Variants in RBFOX1 observed in about 807,000 individuals in gnomAD.
RBFOX1 encodes the protein RNA binding fox-1 homolog 1.
Under a neutral mutation model 57.7 loss-of-function variants are expected in RBFOX1, and 8 were observed. The ratio of observed to expected loss-of-function variants is 0.14; its 90% CI spans 0.08 to 0.25. RBFOX1 has a LOEUF of 0.25. Ranked by LOEUF, RBFOX1 falls within the 10% of genes least tolerant of loss-of-function variation. RBFOX1 has a pLI of 1.00. For missense variants in RBFOX1, 611 were observed against 548.5 expected (o/e 1.11, Z -1.14); for synonymous variants, 326 against 222.4 (o/e 1.47, Z -4.15).
At chr16:6,539,332 A>G (rs1273544705) in intron 2 of RBFOX1, among the ~76,000 whole-genome samples, 1 of 152,176 alleles carries the variant, frequency 6.6e-6, no homozygotes, top group Non-Finnish European at 1.5e-5. Flanking sequence ...ACTTACAGAA[A>G]TGGCTAATGA....
chr16:6,677,162 A>G (rs1017332900), intron 3 of RBFOX1, among the ~76,000 whole-genome samples: 1 of 152,226 alleles, frequency 6.6e-6, no homozygotes, highest in African/African-American at 2.4e-5. Context: ...GAATTCCAAA[A>G]TATTCAATGA....
At chr16:6,945,379 G>A (rs1415198380) in intron 3 of RBFOX1, among the ~76,000 whole-genome samples, 1 of 152,044 alleles carries the variant, frequency 6.6e-6, no homozygotes, top group Non-Finnish European at 1.5e-5. Context: ...TTGCTGGTCT[G>A]AACAACCTGT....
chr16:7,521,176 C>G (rs548794956), intron 5 of RBFOX1, among the ~76,000 whole-genome samples: 2 of 152,156 alleles, frequency 1.3e-5, no homozygotes, highest in African/African-American at 4.8e-5. Context: ...GGGAATACCA[C>G]AGTCAGAGGT....
chr16:6,634,595 T>A (rs888917212), intron 2 of RBFOX1, among the ~76,000 whole-genome samples: 4 of 145,998 alleles, frequency 2.7e-5, no homozygotes, highest in Non-Finnish European at 6.0e-5. Flanking sequence ...ATATATAATA[T>A]TAATCTATGT....
intron 4 of RBFOX1, among the ~76,000 whole-genome samples, chr16:7,189,425 C>CAAAAA (rs1159617665): frequency 1.5e-5 from 1 of 67,622 alleles, no homozygotes; most frequent in Admixed American, 2.2e-4. Context: ...GACTCCCTCT[C>CAAAAA]AAAAAAAAAA....
chr16:7,051,857 T>C (rs1373391970), intron 3 of RBFOX1, among the ~76,000 whole-genome samples, 200 bp from the exon 4 acceptor site: 1 of 152,212 alleles, frequency 6.6e-6, no homozygotes, highest in African/African-American at 2.4e-5. Context: ...CTCTGACTTA[T>C]CCTAGCTGTG....
At chr16:5,925,154 C>A (rs1300194531) in intron 4 of RBFOX1, among the ~76,000 whole-genome samples, 1 of 152,180 alleles carries the variant, frequency 6.6e-6, no homozygotes, top group Non-Finnish European at 1.5e-5. Context: ...GACAAACTTC[C>A]CTTGACCTAA....
intron 3 of RBFOX1, among the ~76,000 whole-genome samples, chr16:6,934,225 C>G (rs2077011982): frequency 6.6e-6 from 1 of 152,198 alleles, no homozygotes; most frequent in South Asian, 2.1e-4. Flanking sequence ...TATAGAACTA[C>G]AGAGCGGTAA....
chr16:7,100,283 T>C (rs1182532290), intron 4 of RBFOX1, among the ~76,000 whole-genome samples: 1 of 152,118 alleles, frequency 6.6e-6, no homozygotes, highest in Non-Finnish European at 1.5e-5. Context: ...TTTCTCTTTT[T>C]AAAAAGAACC....
At chr16:7,646,987 A>G (rs2063866714) in intron 11 of RBFOX1, among the ~76,000 whole-genome samples, 1 of 152,164 alleles carries the variant, frequency 6.6e-6, no homozygotes, top group African/African-American at 2.4e-5. Flanking sequence ...AGCAGTTGAC[A>G]CTTTAGTAAA....
At chr16:7,683,383 C>G (rs1321276438) in intron 14 of RBFOX1, among the ~76,000 whole-genome samples, 1 of 151,828 alleles carries the variant, frequency 6.6e-6, no homozygotes, top group Non-Finnish European at 1.5e-5. Context: ...CTTTCTCTCT[C>G]AAGAACTAAT....
At chr16:5,349,168 C>T (rs2151311230) in intron 1 of RBFOX1, among the ~76,000 whole-genome samples, 1 of 152,244 alleles carries the variant, frequency 6.6e-6, no homozygotes, top group East Asian at 1.9e-4. Context: ...GGACATTATG[C>T]TAAGGGAAGT....
intron 1 of RBFOX1, among the ~76,000 whole-genome samples, chr16:6,111,308 C>G (rs1291854444): frequency 2.0e-5 from 3 of 152,164 alleles, no homozygotes; most frequent in African/African-American, 4.8e-5. Flanking sequence ...CACTCTGTCT[C>G]AAGACTCAAT....
intron 13 of RBFOX1, among the ~76,000 whole-genome samples, chr16:7,667,536 G>A (rs1217068408): frequency 6.6e-6 from 1 of 152,138 alleles, no homozygotes; most frequent in African/African-American, 2.4e-5. Flanking sequence ...AAAGTCATGT[G>A]AGCTTCTACT....
intron 1 of RBFOX1, among the ~76,000 whole-genome samples, chr16:5,339,483 T>G (rs1490380123): frequency 8.3e-6 from 1 of 120,876 alleles, no homozygotes; most frequent in Non-Finnish European, 1.8e-5. Flanking sequence ...TTTTTTTTTT[T>G]TTTTTTTTTT....
intron 3 of RBFOX1, among the ~76,000 whole-genome samples, chr16:6,903,772 C>T (rs1318616136): frequency 1.3e-5 from 2 of 152,104 alleles, no homozygotes; most frequent in East Asian, 3.9e-4. Flanking sequence ...GGGCTGAGGG[C>T]CTTTCGGAGC....
intron 3 of RBFOX1, among the ~76,000 whole-genome samples, chr16:5,743,415 T>C (rs1031331759): frequency 1.3e-5 from 2 of 152,120 alleles, no homozygotes; most frequent in Non-Finnish European, 2.9e-5. Context: ...GCATGTCCCG[T>C]GGAAGGAGGA....
chr16:5,702,101 T>C (rs922851495), intron 3 of RBFOX1, among the ~76,000 whole-genome samples: 1 of 152,154 alleles, frequency 6.6e-6, no homozygotes, highest in Non-Finnish European at 1.5e-5. Flanking sequence ...GGAAGTCTTC[T>C]GTATTTATCC....
intron 3 of RBFOX1, among the ~76,000 whole-genome samples, chr16:6,741,843 G>C (rs2072249919): frequency 6.6e-6 from 1 of 152,110 alleles, no homozygotes; most frequent in Admixed American, 6.5e-5. Flanking sequence ...AGGGTAAAGG[G>C]TTAGAGAAAT....
Sources: gnomAD v4.1 joint callset for allele counts (sites outside exome capture counted in the v4.1 genomes callset) on GRCh38, gnomAD v4.1.1 for gene constraint, MANE v1.5 for transcripts, NCBI Gene and HGNC (gene_info 2026-07-23, HGNC 2026-07-21) for gene names.